NUP210L: variants seen among roughly 807,000 people sequenced by gnomAD.
NUP210L encodes nuclear pore membrane glycoprotein 210-like.
NUP210L carries 74 observed loss-of-function variants against 208.5 expected under a neutral mutation model. The observed-to-expected ratio is 0.35, with a 90% CI of 0.29 to 0.43. The LOEUF is 0.43. Ranked by LOEUF, NUP210L falls within the 20% of genes least tolerant of loss-of-function variation. The probability of loss-of-function intolerance (pLI) is 1.00; values close to 1 mark genes in which losing one functional copy is unlikely to be tolerated. For missense variants in NUP210L, 1,843 were observed against 2,289.4 expected, an observed-to-expected ratio of 0.81 and a Z score of 3.98; for synonymous variants, 780 against 816.9, an observed-to-expected ratio of 0.95 and a Z score of 0.77.
rs532938010 is a variant in NUP210L, at chr1:154,036,306, G to A, written c.3697-6252C>T. The stretch of plus-strand genomic sequence containing the variant: ...ATTTATTTATTTAATGTATAGGACA[G>A]TTGGAACATGTGTGTGTGTGTGTGT... On this transcript the variant is annotated intron_variant, in intron 27 of 39. Coordinates refer to ENST00000368559, the Ensembl canonical transcript of NUP210L. Among the ~76,000 whole-genome samples, 20 of 139,672 alleles carry A rather than the reference G, an allele frequency of 1.4e-4. No homozygotes were observed. In the South Asian group the frequency reaches 4.9e-3, roughly 34 times the overall value. The allele number at this position is 139,672 out of a possible 152,430, so 91.6% of individuals were successfully genotyped here. A position where few individuals can be genotyped will look rare whatever the true frequency, so the allele number is the denominator to read the frequency against.
chr1:154,006,946 G>GTGTGTATATATATATATA (rs767785200), intron 35 of NUP210L, among the ~76,000 whole-genome samples: 19 of 95,424 alleles, frequency 2.0e-4, no homozygotes, highest in East Asian at 3.1e-4. Flanking sequence ...GTGTGTGTGT[G>GTGTGTATATATATATATA]TATATATATA....
intron 16 of NUP210L, among the ~76,000 whole-genome samples, chr1:154,071,097 GT>G (rs889481161): frequency 6.8e-6 from 1 of 147,460 alleles, no homozygotes; most frequent in African/African-American, 2.5e-5. Context: ...TTTGTTTTTT[GT>G]TTTTTGTTTT....
chr1:154,130,437 T>C (rs1216636461), intron 7 of NUP210L, among the ~76,000 whole-genome samples: 1 of 151,956 alleles, frequency 6.6e-6, no homozygotes, highest in Non-Finnish European at 1.5e-5. Context: ...CTCGCCCAGC[T>C]AATTATTGTA....
chr1:154,112,018 C>A (rs1394428206), intron 12 of NUP210L, among the ~76,000 whole-genome samples: 1 of 151,498 alleles, frequency 6.6e-6, no homozygotes, highest in Non-Finnish European at 1.5e-5. Context: ...ACCTCTGCCT[C>A]CCAGGTTTAA....
At chr1:153,994,179 CTGTTT>C (rs1649679617) in intron 38 of NUP210L, among the ~76,000 whole-genome samples, 1 of 152,180 alleles carries the variant, frequency 6.6e-6, no homozygotes, top group Admixed American at 6.5e-5. Flanking sequence ...TGCACCCAGT[CTGTTT>C]TGTTACTTGA....
At chr1:154,018,904 C>G (rs374515115) in intron 33 of NUP210L, 29 bp downstream of exon 33, 1 of 1,611,662 alleles carries the variant, frequency 6.2e-7, no homozygotes, top group South Asian at 1.1e-5. Flanking sequence ...TCACCCTAGT[C>G]TCTTAAACTC....
chr1:154,155,046 G>A, exon 1 of NUP210L: 1 of 1,599,334 alleles, frequency 6.3e-7, no homozygotes, highest in Non-Finnish European at 8.5e-7. Flanking sequence ...GCCAGTCATG[G>A]CGACTGCCAG....
At chr1:154,146,611 A>AC (rs1659123226) in intron 2 of NUP210L, among the ~76,000 whole-genome samples, 19 of 82,200 alleles carry the variant, frequency 2.3e-4, no homozygotes, top group Admixed American at 1.3e-3. Context: ...GCAAGATCCC[A>AC]TCCCCCCTCC....
At chr1:154,012,958 A>G (rs982567592) in intron 33 of NUP210L, among the ~76,000 whole-genome samples, 3 of 137,102 alleles carry the variant, frequency 2.2e-5, no homozygotes, top group Non-Finnish European at 3.0e-5. Context: ...GTGAGCCGAC[A>G]TTGCGCCATT....
chr1:154,104,400 GT>G, intron 12 of NUP210L, 190 bp from the exon 13 acceptor site: 3 of 580,368 alleles, frequency 5.2e-6, no homozygotes, highest in Non-Finnish European at 6.1e-6. Context: ...ACAGTACCTG[GT>G]TTTAACATCA....
chr1:154,048,873 T>A (rs913442311), intron 25 of NUP210L, among the ~76,000 whole-genome samples: 1 of 152,198 alleles, frequency 6.6e-6, no homozygotes, highest in African/African-American at 2.4e-5. Context: ...TATCTACTTC[T>A]GTTCCCTGGA....
exon 36 of NUP210L, chr1:154,001,818 G>C: frequency 1.9e-6 from 3 of 1,614,096 alleles, no homozygotes; most frequent in Non-Finnish European, 2.5e-6. Context: ...AATTCTGACT[G>C]GTTAATATAA....
At chr1:154,047,074 G>A (rs1205801651) in intron 25 of NUP210L, among the ~76,000 whole-genome samples, 2 of 151,934 alleles carry the variant, frequency 1.3e-5, no homozygotes, top group Non-Finnish European at 2.9e-5. Context: ...AAACAAAAAA[G>A]TAGAACAATG....
At chr1:154,079,862 A>G (rs1655230303) in intron 16 of NUP210L, 1 of 152,418 alleles carries the variant, frequency 6.6e-6, no homozygotes, top group Admixed American at 6.5e-5. Flanking sequence ...TGGACAAAGC[A>G]TAGCAGGACA....
At chr1:154,088,838 A>G (rs978799285) in intron 16 of NUP210L, among the ~76,000 whole-genome samples, 10 of 152,170 alleles carry the variant, frequency 6.6e-5, no homozygotes, top group Admixed American at 5.2e-4. Flanking sequence ...ACCTGTACTC[A>G]ACATTGTTTA....
At chr1:154,025,550 C>T in exon 30 of NUP210L, 1 of 1,607,326 alleles carries the variant, frequency 6.2e-7, no homozygotes, top group African/African-American at 1.3e-5. Context: ...ACCTGGACCC[C>T]AGTTATGGTT....
At chr1:154,131,134 T>C (rs1407929299) in intron 7 of NUP210L, among the ~76,000 whole-genome samples, 1 of 149,630 alleles carries the variant, frequency 6.7e-6, no homozygotes, top group Non-Finnish European at 1.5e-5. Context: ...TAGCCAGGCG[T>C]GGTGGCAGGC....
At chr1:154,022,585 A>G (rs1057340417) in intron 31 of NUP210L, among the ~76,000 whole-genome samples, 1 of 150,278 alleles carries the variant, frequency 6.7e-6, no homozygotes, top group African/African-American at 2.5e-5. Flanking sequence ...TTAGCTCCCT[A>G]TGGATCTTTT....
At chr1:154,152,671 A>G (rs776490704) in intron 2 of NUP210L, 65 bp downstream of exon 2, 71 of 1,418,992 alleles carry the variant, frequency 5.0e-5, no homozygotes, top group Non-Finnish European at 6.8e-5. Context: ...TTAACTATCT[A>G]TACAAAATAC....
Sources: gnomAD v4.1 joint callset for allele counts (sites outside exome capture counted in the v4.1 genomes callset) on GRCh38, gnomAD v4.1.1 for gene constraint, MANE v1.5 for transcripts, NCBI Gene and HGNC (gene_info 2026-07-23, HGNC 2026-07-21) for gene names.